The following DHX35 variants were observed in gnomAD, a reference collection of about 807,000 sequenced individuals.
DHX35 encodes the protein DEAH-box helicase 35, also known as probable ATP-dependent RNA helicase DHX35.
A neutral mutation model predicts 99.6 loss-of-function variants in DHX35; 84 were observed. The observed-to-expected ratio is 0.84, with a 90% CI of 0.71 to 1.01. The LOEUF (loss-of-function observed/expected upper bound fraction) is 1.01, where lower values mean the gene tolerates loss of function less well. Among genes scored for constraint, DHX35 ranks in the 50% least tolerant of loss-of-function variants. The pLI, the probability that DHX35 is intolerant of heterozygous loss-of-function variation, is 0.00. For missense variants in DHX35, 852 were observed against 888.5 expected (o/e 0.96, Z 0.52); for synonymous variants, 331 against 316.2 (o/e 1.05, Z -0.50).
chr20:38,984,801 C>T (rs1568724162), intron 4 of DHX35, among the ~76,000 whole-genome samples: 1 of 151,926 alleles, frequency 6.6e-6, no homozygotes, highest in Non-Finnish European at 1.5e-5. Context: ...TGAATGGATT[C>T]ATTACTCATC....
chr20:38,984,673 T>C (rs971501970), intron 4 of DHX35, among the ~76,000 whole-genome samples: 1 of 152,214 alleles, frequency 6.6e-6, no homozygotes, highest in Non-Finnish European at 1.5e-5. Flanking sequence ...TGTATTCTTC[T>C]TTCCACCTTC....
At chr20:38,981,669 G>A (rs1221631874) in intron 3 of DHX35, among the ~76,000 whole-genome samples, 6 of 151,998 alleles carry the variant, frequency 3.9e-5, no homozygotes, top group Non-Finnish European at 5.9e-5. Context: ...GGGGCCGGGC[G>A]TGGTGGCTCA....
chr20:38,989,587 T>G (rs2086306546), intron 5 of DHX35, among the ~76,000 whole-genome samples: 1 of 152,160 alleles, frequency 6.6e-6, no homozygotes, highest in Non-Finnish European at 1.5e-5. Context: ...TCTTTTCTTA[T>G]GTGTATTTTA....
chr20:39,018,524 G>C (rs1600432818), intron 14 of DHX35, among the ~76,000 whole-genome samples: 1 of 151,822 alleles, frequency 6.6e-6, no homozygotes, highest in East Asian at 1.9e-4. Context: ...ACAAGCAGGA[G>C]AAGGCTGCAG....
intron 10 of DHX35, among the ~76,000 whole-genome samples, chr20:39,003,381 T>C (rs1309050644): frequency 1.3e-5 from 2 of 152,250 alleles, no homozygotes; most frequent in Non-Finnish European, 2.9e-5. Flanking sequence ...GTAATCTTTT[T>C]TGGAGAAAGC....
At chr20:38,998,103 C>T (rs1015473775) in intron 8 of DHX35, among the ~76,000 whole-genome samples, 4 of 152,248 alleles carry the variant, frequency 2.6e-5, no homozygotes, top group African/African-American at 9.6e-5. Context: ...GTTGCTTTAT[C>T]TGCTTTCTTA....
chr20:38,983,127 A>G (rs769632351), intron 3 of DHX35, among the ~76,000 whole-genome samples: 15 of 152,116 alleles, frequency 9.9e-5, no homozygotes, highest in Admixed American at 8.5e-4. Flanking sequence ...GGGTTTCACC[A>G]TGTTGGCCAG....
At chr20:39,004,028 T>A in intron 11 of DHX35, 121 bp downstream of exon 11, 2 of 1,136,638 alleles carry the variant, frequency 1.8e-6, no homozygotes, top group Non-Finnish European at 2.5e-6. Context: ...TTCTGTGTAG[T>A]AGATCTAAAA....
rs2087199796 is a variant in DHX35 at position 39,038,875 on chromosome 20, A to C, written c.*332A>C. On this transcript the variant is annotated 3_prime_UTR_variant, in exon 22 of 22. Coordinates refer to ENST00000252011, the MANE Select transcript of DHX35 (RefSeq NM_021931.4). Reference sequence around the variant, plus strand: ...CCAGCTCTATGGGAAACAAGGAGGAAAGTTAGCCACTGAAGGCCAAAACAC... The same window carrying C: ...CCAGCTCTATGGGAAACAAGGAGGACAGTTAGCCACTGAAGGCCAAAACAC... The C allele has an allele frequency of 2.7e-6, 1 of 370,918 alleles. No homozygotes were observed. The highest frequency in any genetic ancestry group is 5.0e-6 in the Non-Finnish European group (1 of 201,474). 23.0% of individuals were successfully genotyped at this position (370,918 alleles called of 1,614,324 possible).
At chr20:38,990,818 C>T (rs1039427160) in intron 5 of DHX35, among the ~76,000 whole-genome samples, 5 of 152,126 alleles carry the variant, frequency 3.3e-5, no homozygotes, top group African/African-American at 9.7e-5. Context: ...AACTACTATA[C>T]TATCTTATTT....
chr20:39,033,222 C>T (rs1056192455), intron 20 of DHX35, among the ~76,000 whole-genome samples: 12 of 152,096 alleles, frequency 7.9e-5, no homozygotes, highest in South Asian at 2.1e-4. Context: ...GGTGACAGAG[C>T]GAGACCCTGC....
chr20:39,003,854 CCTT>C lies in DHX35; in HGVS notation c.960_962del (p.Ser321del), dbSNP rs769039714. 6.2e-7 allele frequency: 1 copy of C among 1,614,178 alleles called. No individual in the cohort carries two copies. Among genetic ancestry groups the C allele is most frequent in the Non-Finnish European group, 8.5e-7 (1 of 1,180,028 alleles). On this transcript the variant is annotated inframe_deletion, in exon 11 of 22. Transcript: ENST00000252011. Reference sequence around the variant, plus strand: ...AGTTCTCCCCATGTATGCAGGACTGCCTTCCTTTGAGCAAATGAAAGTGTTTGA... The same window carrying C: ...AGTTCTCCCCATGTATGCAGGACTGCCCTTTGAGCAAATGAAAGTGTTTGA...
chr20:39,013,708 A>T (rs1371952117), intron 13 of DHX35, among the ~76,000 whole-genome samples: 1 of 152,214 alleles, frequency 6.6e-6, no homozygotes, highest in African/African-American at 2.4e-5. Flanking sequence ...AAGATCCCAC[A>T]GGGTTTAAGC....
chr20:38,983,680 G>C lies in DHX35; in HGVS notation c.268-19G>C. 1.2e-6 allele frequency: 2 copies of C among 1,611,996 alleles called. No homozygotes were observed. The highest frequency in any genetic ancestry group is 1.1e-5 in the South Asian group (1 of 91,014). On this transcript the variant is annotated intron_variant, in intron 3 of 21. Coordinates refer to ENST00000252011, the MANE Select transcript of DHX35 (RefSeq NM_021931.4). Reference sequence around the variant, plus strand: ...AAAAGTGGTATCATATGTATACTTAGATGTGATTTTGTTTGTAGTACCTTG... The same window carrying C: ...AAAAGTGGTATCATATGTATACTTACATGTGATTTTGTTTGTAGTACCTTG...
chr20:38,987,102 A>G (rs1303317740), intron 4 of DHX35, among the ~76,000 whole-genome samples: 1 of 152,128 alleles, frequency 6.6e-6, no homozygotes, highest in Non-Finnish European at 1.5e-5. Context: ...AGGTTGTCTC[A>G]CCTGTGAAAG....
At position 38,986,188 on chromosome 20, in the gene DHX35, ATT is replaced by A. The variant is rs56980978; in HGVS notation, c.345+2427_345+2428del. ...ACTTGCCAGTAGTAGGTGCTCAGTG[ATT>A]TTTTTTTTTTTTTTGGTCTTTTACC... On this transcript the variant is annotated intron_variant, in intron 4 of 21. Transcript: ENST00000252011. Among the ~76,000 whole-genome samples, 253 of 143,338 alleles carry A rather than the reference ATT, an allele frequency of 1.8e-3. No individual in the cohort carries two copies. In the East Asian group the frequency reaches 0.018, roughly 10 times the overall value. 94.0% of individuals were successfully genotyped at this position (143,338 alleles called of 152,430 possible).
intron 21 of DHX35, among the ~76,000 whole-genome samples, chr20:39,034,533 A>G (rs1345664875): frequency 6.6e-6 from 1 of 151,612 alleles, no homozygotes; most frequent in African/African-American, 2.4e-5. Flanking sequence ...CCCTAATCTC[A>G]TAAGAAAAAA....
rs1023119535 is a variant in DHX35 at position 39,010,403 on chromosome 20, C to T, written c.1346C>T (p.Ser449Leu). ...IDNVLRFHFM[S>L]PPPAQSMVQA... ...AATGTCCTCAGGTTCCACTTCATGT[C>T]GGTAAGTCCTGCCTGCTGTCTGGGG... is the stretch of plus-strand genomic sequence containing the variant. Residue 449 changes from serine (S) to leucine (L), a missense_variant and splice_region_variant, in exon 13 of 22, where the codon TCG becomes TTG. Coordinates refer to ENST00000252011, the MANE Select transcript of DHX35 (RefSeq NM_021931.4). The T allele has an allele frequency of 8.1e-6, 13 of 1,613,948 alleles. No homozygotes were observed. Among genetic ancestry groups the T allele is most frequent in the African/African-American group, 1.3e-5 (1 of 75,024 alleles).
intron 18 of DHX35, among the ~76,000 whole-genome samples, chr20:39,027,696 T>C (rs1253420405): frequency 6.6e-6 from 1 of 152,232 alleles, no homozygotes; most frequent in Non-Finnish European, 1.5e-5. Context: ...TTATTTTATG[T>C]GTCACCAAAG....
Sources: allele counts gnomAD v4.1 joint callset (sites outside exome capture counted in the v4.1 genomes callset), GRCh38; gene constraint gnomAD v4.1.1; transcripts MANE v1.5; gene names NCBI Gene and HGNC (gene_info 2026-07-23, HGNC 2026-07-21).